Variants in EHD4 observed in about 807,000 individuals in gnomAD.
EHD4 encodes the protein EH domain containing 4.
EHD4 carries 37 observed loss-of-function variants against 51.0 expected under a neutral mutation model. That is an observed-to-expected ratio of 0.73 (90% confidence interval 0.56 to 0.95). The LOEUF (loss-of-function observed/expected upper bound fraction) is 0.95, where lower values mean the gene tolerates loss of function less well. Ranked by LOEUF, EHD4 falls within the 40% of genes least tolerant of loss-of-function variation. EHD4 has a pLI of 0.00. For missense variants in EHD4, 632 were observed against 733.1 expected, an observed-to-expected ratio of 0.86 and a Z score of 1.59; for synonymous variants, 297 against 317.3, an observed-to-expected ratio of 0.94 and a Z score of 0.68.
At chr15:41,936,680 A>C (rs2140996342) in intron 3 of EHD4, among the ~76,000 whole-genome samples, 1 of 152,352 alleles carries the variant, frequency 6.6e-6, no homozygotes, top group South Asian at 2.1e-4. Context: ...CATTTCTCAC[A>C]ATCAATAATG....
chr15:41,902,896 G>C (rs1230851119), intron 5 of EHD4, among the ~76,000 whole-genome samples: 3 of 150,784 alleles, frequency 2.0e-5, no homozygotes, highest in Non-Finnish European at 4.4e-5. Context: ...CTAAGGTTAA[G>C]GAAAACTACC....
intron 4 of EHD4, 112 bp downstream of exon 4, chr15:41,919,098 G>C (rs965976631): frequency 7.1e-6 from 10 of 1,407,000 alleles, no homozygotes; most frequent in Non-Finnish European, 8.8e-6. Flanking sequence ...CCTAGCGCAT[G>C]TTCATTCCTT....
chr15:41,911,857 G>A (rs2067551820), intron 4 of EHD4, among the ~76,000 whole-genome samples: 1 of 152,044 alleles, frequency 6.6e-6, no homozygotes, highest in Non-Finnish European at 1.5e-5. Context: ...TACTAGTAAG[G>A]TACCTCTGAG....
chr15:41,946,081 T>C (rs1254480121), intron 2 of EHD4, among the ~76,000 whole-genome samples: 1 of 152,264 alleles, frequency 6.6e-6, no homozygotes, highest in Non-Finnish European at 1.5e-5. Context: ...GCCCAGCTTA[T>C]TGAAATGCTT....
Position 41,953,777 on chromosome 15 carries a change from C to T in EHD4, c.400G>A (p.Ala134Thr), listed in dbSNP as rs772815933. The T allele has an allele frequency of 1.0e-5, 16 of 1,606,826 alleles. No individual in the cohort carries two copies. The South Asian group carries it at 1.1e-4, about 11-fold the overall frequency. Residue 134 changes from alanine to threonine, a missense_variant, in exon 2 of 6, where the codon GCT becomes ACT. Physicochemically the swap from Ala to Thr is moderately conservative, Grantham distance 58. Coordinates refer to ENST00000220325, the MANE Select transcript of EHD4 (RefSeq NM_139265.4). The stretch of plus-strand genomic sequence containing the variant: ...GCTGGTCCTTACCGATTCAGGAAAG[C>T]GTTTCCAAAGCGACTGAGCTTTCTA... ...PFRKLSRFGN[A>T]FLNRFMCSQL...
chr15:41,935,540 T>TAG (rs1382286227), intron 3 of EHD4, among the ~76,000 whole-genome samples: 1 of 152,026 alleles, frequency 6.6e-6, no homozygotes, highest in African/African-American at 2.4e-5. Flanking sequence ...AGGAAAAAAA[T>TAG]AGGAGATTTG....
intron 2 of EHD4, among the ~76,000 whole-genome samples, 167 bp downstream of exon 2, chr15:41,953,597 T>TC (rs1313075102): frequency 1.3e-5 from 2 of 152,198 alleles, no homozygotes; most frequent in African/African-American, 4.8e-5. Context: ...AATGATTATT[T>TC]CCTATGATAG....
chr15:41,911,375 C>T (rs1325778777), intron 4 of EHD4, among the ~76,000 whole-genome samples: 2 of 152,072 alleles, frequency 1.3e-5, no homozygotes, highest in Admixed American at 6.5e-5. Flanking sequence ...TTGAGAAACC[C>T]GAAGTTTGGG....
intron 1 of EHD4, among the ~76,000 whole-genome samples, chr15:41,970,483 T>C (rs1293149073): frequency 6.6e-6 from 1 of 152,184 alleles, no homozygotes; most frequent in Admixed American, 6.5e-5. Context: ...TTTCTCCAAA[T>C]AATGAAACAG....
intron 3 of EHD4, chr15:41,928,774 G>A (rs150805354): frequency 2.6e-5 from 4 of 152,288 alleles, no homozygotes; most frequent in East Asian, 1.9e-4. Context: ...CTACACCCCC[G>A]AGGAAGAGGC....
intron 3 of EHD4, among the ~76,000 whole-genome samples, chr15:41,941,395 T>C (rs1764659389): frequency 6.6e-6 from 1 of 152,152 alleles, no homozygotes; most frequent in African/African-American, 2.4e-5. Context: ...TAGAAATGTG[T>C]TTGCATATGC....
chr15:41,963,504 G>C (rs2141009532), intron 1 of EHD4, among the ~76,000 whole-genome samples: 1 of 151,460 alleles, frequency 6.6e-6, no homozygotes, highest in African/African-American at 2.4e-5. Context: ...GGAGGTTGAG[G>C]CACAAGAACC....
intron 1 of EHD4, among the ~76,000 whole-genome samples, chr15:41,969,193 A>G (rs887431434): frequency 2.6e-5 from 4 of 152,214 alleles, no homozygotes; most frequent in East Asian, 1.9e-4. Context: ...CCTCATTAGA[A>G]TAAGTTTTCT....
rs553423323 is a variant in EHD4, at chr15:41,898,229, G to A, written c.*2416C>T. On this transcript the variant is annotated 3_prime_UTR_variant, in exon 6 of 6. Coordinates refer to ENST00000220325, the MANE Select transcript of EHD4 (RefSeq NM_139265.4). Reference sequence around the variant, plus strand: ...CCTGACGCCTCTCCCACCTGAGAGCGCAGAGGTAGGGAGATCACAGTGCCT... The same window carrying A: ...CCTGACGCCTCTCCCACCTGAGAGCACAGAGGTAGGGAGATCACAGTGCCT... 15 of 152,274 alleles carry A rather than the reference G, an allele frequency of 9.9e-5. No individual in the cohort carries two copies. The South Asian group carries it at 2.7e-3, about 27-fold the overall frequency. The allele number at this position is 152,274 out of a possible 1,614,324, so 9.4% of individuals were successfully genotyped here.
chr15:41,900,725 C>T lies in EHD4; in HGVS notation c.1546G>A (p.Asp516Asn), dbSNP rs200897167. Reference protein sequence around the residue: ...LAKHLIKIKLDGYELPSSLPP... With the variant: ...LAKHLIKIKLNGYELPSSLPP... ...AGGCTGCTGGGCAGCTCGTAGCCGT[C>T]GAGCTTGATCTTGATGAGGTGCTTG... The change falls in exon 6 of 6, where the codon GAC (aspartate) becomes AAC (asparagine). Residue 516 changes from aspartate to asparagine, a missense_variant. Asp to Asn is a conservative substitution (Grantham distance 23). Transcript: ENST00000220325. This position sits in a 1 kb window ranked among gnomAD's most constrained non-coding sequence, Gnocchi z 4.8. 679 of 1,612,110 alleles carry T rather than the reference C, an allele frequency of 4.2e-4. 4 individuals carry two copies. Among genetic ancestry groups the T allele is most frequent in the East Asian group, 3.3e-3 (146 of 44,878 alleles).
In EHD4 at chr15:41,964,639, T is replaced by C. The variant is rs538382655; in HGVS notation, c.236+7620A>G. ...TTTTTTCCTATCAAATTAATTTTAA[T>C]TAGTTTTACTGGCAGTTTGGTGAAT... On this transcript the variant is annotated intron_variant, in intron 1 of 5. Transcript: ENST00000220325. Among the ~76,000 whole-genome samples the C allele has an allele frequency of 2.6e-5, 4 of 152,178 alleles. No homozygotes were observed. In the South Asian group the frequency reaches 8.3e-4, roughly 32 times the overall value.
chr15:41,972,518 T>C lies in EHD4; in HGVS notation c.-24A>G. ...ATCCTGCCGCCAGTCCACGCTCGGA[T>C]GGGACCCTGCTCCGGGTTCGACTCT... On this transcript the variant is annotated 5_prime_UTR_variant, in exon 1 of 6. Transcript: ENST00000220325. 1 of 1,480,594 alleles carries C rather than the reference T, an allele frequency of 6.8e-7. No individual in the cohort carries two copies. The highest frequency in any genetic ancestry group is 8.9e-7 in the Non-Finnish European group (1 of 1,119,446). The allele number at this position is 1,480,594 out of a possible 1,614,324, so 91.7% of individuals were successfully genotyped here. A position where few individuals can be genotyped will look rare whatever the true frequency, so the allele number is the denominator to read the frequency against.
At position 41,898,908 on chromosome 15, in the gene EHD4, C is replaced by G. The variant is rs1024891763; in HGVS notation, c.*1737G>C. 1.3e-5 allele frequency: 2 copies of G among 152,148 alleles called. No individual in the cohort carries two copies. Among genetic ancestry groups the G allele is most frequent in the African/African-American group, 4.8e-5 (2 of 41,426 alleles). The allele number at this position is 152,148 out of a possible 1,614,324, so 9.4% of individuals were successfully genotyped here. On this transcript the variant is annotated 3_prime_UTR_variant, in exon 6 of 6. Transcript: ENST00000220325. ...TAATGAATTTAAGTGCTTGTTAAGA[C>G]TAAAAACCATGTTATGCATTTCCTG...
rs944001723 is a variant in EHD4, at chr15:41,929,169, T to C, written c.512-9547A>G. Among the ~76,000 whole-genome samples, 8 of 152,236 alleles carry C rather than the reference T, an allele frequency of 5.3e-5. No homozygotes were observed. The South Asian group carries it at 8.3e-4, about 16-fold the overall frequency. Reference sequence around the variant, plus strand: ...AACTAGGCGTGTCCAGGGATGGCGTTGTGCTGTTTATCCGCTCTCTGCTCT... The same window carrying C: ...AACTAGGCGTGTCCAGGGATGGCGTCGTGCTGTTTATCCGCTCTCTGCTCT... On this transcript the variant is annotated intron_variant, in intron 3 of 5. Transcript: ENST00000220325.
Sources: gnomAD v4.1 joint callset for allele counts (sites outside exome capture counted in the v4.1 genomes callset) on GRCh38, gnomAD v4.1.1 for gene constraint, Gnocchi (gnomAD v3.1) non-coding constraint, MANE v1.5 for transcripts, NCBI Gene and HGNC (gene_info 2026-07-23, HGNC 2026-07-21) for gene names.